The following RPH3A variants were observed in gnomAD, a reference collection of about 807,000 sequenced individuals.
RPH3A encodes rabphilin 3A, also known as rabphilin-3A.
In RPH3A, 48 loss-of-function variants were observed where a neutral mutation model predicts 102.2. That is an observed-to-expected ratio of 0.47 (90% CI 0.37 to 0.60). The LOEUF is 0.60. RPH3A is among the 20% of genes least tolerant of loss of function. The probability of loss-of-function intolerance (pLI) is 0.00; values close to 1 mark genes in which losing one functional copy is unlikely to be tolerated. For missense variants in RPH3A, 781 were observed against 910.1 expected (o/e 0.86, Z 1.83); for synonymous variants, 310 against 324.3 (o/e 0.96, Z 0.47).
At chr12:112,803,250 C>T (rs1202490296) in intron 2 of RPH3A, among the ~76,000 whole-genome samples, 1 of 152,082 alleles carries the variant, frequency 6.6e-6, no homozygotes, top group East Asian at 1.9e-4. Flanking sequence ...AGAAAGGACA[C>T]TGAGTTAAGA....
chr12:112,708,381 G>A (rs986963834), intron 1 of RPH3A, among the ~76,000 whole-genome samples: 1 of 152,182 alleles, frequency 6.6e-6, no homozygotes, highest in Admixed American at 6.5e-5. Flanking sequence ...GCATTTGCAA[G>A]GCTGCTGGGA....
intron 1 of RPH3A, among the ~76,000 whole-genome samples, chr12:112,713,867 G>A (rs751052464): frequency 4.6e-5 from 7 of 152,184 alleles, no homozygotes; most frequent in Non-Finnish European, 1.0e-4. Context: ...GATGAGAAAT[G>A]AGAGAATTGA....
In RPH3A at chr12:112,868,480, C is replaced by T; in HGVS notation, c.495C>T (p.Val165=). 6.2e-7 allele frequency: 1 copy of T among 1,614,180 alleles called. No homozygotes were observed. The highest frequency in any genetic ancestry group is 8.5e-7 in the Non-Finnish European group (1 of 1,180,010). Residue 165 remains valine, a synonymous_variant, in exon 8 of 22, where the codon GTC becomes GTT. Coordinates refer to ENST00000389385, the MANE Select transcript of RPH3A (RefSeq NM_001143854.2). ...AWFFKGFPKQ[V]LPQPMPIKKT... ...TCTTCAAAGGCTTCCCCAAACAGGT[C>T]CTCCCACAGCCTATGCCTATAAAGA...
At chr12:112,807,225 G>A (rs761575644) in intron 2 of RPH3A, among the ~76,000 whole-genome samples, 1 of 152,132 alleles carries the variant, frequency 6.6e-6, no homozygotes, top group Non-Finnish European at 1.5e-5. Context: ...CTGCAGTGCA[G>A]GGTTCACATG....
At chr12:112,822,885 T>C (rs777172121) in intron 2 of RPH3A, among the ~76,000 whole-genome samples, 9 of 152,232 alleles carry the variant, frequency 5.9e-5, no homozygotes, top group Non-Finnish European at 8.8e-5. Flanking sequence ...GTTGTTGTTG[T>C]TGCTTCTTTT....
intron 1 of RPH3A, among the ~76,000 whole-genome samples, chr12:112,757,389 G>A (rs906257973): frequency 1.2e-4 from 19 of 152,140 alleles, no homozygotes; most frequent in Admixed American, 1.2e-3. Flanking sequence ...ACCTCAGTAG[G>A]ACATTCAATG....
intron 1 of RPH3A, among the ~76,000 whole-genome samples, chr12:112,610,377 C>T (rs1035727573): frequency 2.6e-5 from 4 of 151,754 alleles, no homozygotes; most frequent in East Asian, 2.0e-4. Context: ...GTGGTAGGCG[C>T]CTGTAATTCC....
At chr12:112,714,310 A>G (rs1389112234) in intron 1 of RPH3A, among the ~76,000 whole-genome samples, 1 of 152,122 alleles carries the variant, frequency 6.6e-6, no homozygotes, top group Non-Finnish European at 1.5e-5. Context: ...TTAGGATGTG[A>G]TTCATGAGGC....
intron 7 of RPH3A, chr12:112,868,017 G>A (rs1195832201): frequency 6.0e-6 from 1 of 167,472 alleles, no homozygotes; most frequent in African/African-American, 2.4e-5. Flanking sequence ...CACAGGGCCA[G>A]GAGAAAGGCC....
At chr12:112,780,697 A>C (rs1356673263) in intron 1 of RPH3A, among the ~76,000 whole-genome samples, 1 of 151,878 alleles carries the variant, frequency 6.6e-6, no homozygotes, top group Non-Finnish European at 1.5e-5. Context: ...ACAGGTAGAC[A>C]CTCTTCTTCC....
intron 20 of RPH3A, 79 bp from the exon 21 acceptor site, chr12:112,895,698 C>T: frequency 1.0e-6 from 1 of 976,114 alleles, no homozygotes; most frequent in South Asian, 1.3e-5. Flanking sequence ...GCCCATAACC[C>T]CTAGGACTCG....
At chr12:112,784,328 C>T (rs2041029326) in intron 1 of RPH3A, among the ~76,000 whole-genome samples, 1 of 152,194 alleles carries the variant, frequency 6.6e-6, no homozygotes, top group Non-Finnish European at 1.5e-5. Flanking sequence ...TCCAGCCTCT[C>T]CCCTCTTATT....
chr12:112,602,169 T>A (rs1234517141), intron 1 of RPH3A, among the ~76,000 whole-genome samples: 2 of 152,158 alleles, frequency 1.3e-5, no homozygotes. Flanking sequence ...AAGTAGGTAA[T>A]AGTAATTTAA....
chr12:112,818,606 A>G (rs966828959), intron 2 of RPH3A, among the ~76,000 whole-genome samples: 17 of 152,290 alleles, frequency 1.1e-4, no homozygotes, highest in Middle Eastern at 3.4e-3. Flanking sequence ...TCATGTACCT[A>G]TCCTTGAACC....
chr12:112,812,792 A>G (rs2041602130), intron 2 of RPH3A, among the ~76,000 whole-genome samples: 1 of 152,118 alleles, frequency 6.6e-6, no homozygotes, highest in East Asian at 1.9e-4. Context: ...TGTATGTGCT[A>G]CTGTCTATGG....
intron 2 of RPH3A, among the ~76,000 whole-genome samples, chr12:112,795,977 G>A (rs1041920124): frequency 6.6e-6 from 1 of 152,230 alleles, no homozygotes; most frequent in Non-Finnish European, 1.5e-5. Flanking sequence ...GGCTAGTTGT[G>A]TAGCTGTATG....
In RPH3A at chr12:112,644,571, T is replaced by C. The variant is rs143560499; in HGVS notation, c.-140+69252T>C. ...CCATCTGATAAGTACCTAGAAGATA[T>C]GGTACAACACCATCCATCTCTGCTA... On this transcript the variant is annotated intron_variant, in intron 1 of 21. Coordinates refer to the RPH3A transcript ENST00000543106. Among the ~76,000 whole-genome samples, 1,294 of 152,320 alleles carry C rather than the reference T, an allele frequency of 8.5e-3. 22 individuals carry two copies. The highest frequency in any genetic ancestry group is 0.029 in the African/African-American group (1,221 of 41,564).
intron 1 of RPH3A, among the ~76,000 whole-genome samples, chr12:112,609,184 C>T (rs973964838): frequency 1.3e-5 from 2 of 152,044 alleles, no homozygotes; most frequent in Non-Finnish European, 1.5e-5. Context: ...TGACTTATAC[C>T]TCTCCCCATC....
At chr12:112,837,831 C>T (rs1359790445) in intron 4 of RPH3A, 7 of 455,580 alleles carry the variant, frequency 1.5e-5, no homozygotes, top group Non-Finnish European at 2.6e-5. Flanking sequence ...ATCCTCTTCC[C>T]CTCTGTCCTT....
Sources: allele counts gnomAD v4.1 joint callset (sites outside exome capture counted in the v4.1 genomes callset), GRCh38; gene constraint gnomAD v4.1.1; transcripts MANE v1.5; gene names NCBI Gene and HGNC (gene_info 2026-07-23, HGNC 2026-07-21).